Variants in COQ8A observed in about 807,000 individuals in gnomAD.
COQ8A encodes the protein coenzyme Q8A.
COQ8A carries 51 observed loss-of-function variants against 65.0 expected under a neutral mutation model. The observed-to-expected ratio is 0.78, with a 90% CI of 0.63 to 0.99. The LOEUF is 0.99. Among genes scored for constraint, COQ8A ranks in the 50% least tolerant of loss-of-function variants. COQ8A has a pLI of 0.00. For missense variants in COQ8A, 940 were observed against 875.0 expected, an observed-to-expected ratio of 1.07 and a Z score of -0.94; for synonymous variants, 371 against 353.2, an observed-to-expected ratio of 1.05 and a Z score of -0.57.
intron 1 of COQ8A, among the ~76,000 whole-genome samples, chr1:226,943,226 A>G (rs886754055): frequency 6.6e-6 from 1 of 152,238 alleles, no homozygotes; most frequent in African/African-American, 2.4e-5. Flanking sequence ...AGAACCATGG[A>G]CACTGAGTCA....
At position 226,946,463 on chromosome 1, in the gene COQ8A, C is replaced by G. The variant is rs1405256900; in HGVS notation, c.-10+6064C>G. Among the ~76,000 whole-genome samples, 2 of 152,112 alleles carry G rather than the reference C, an allele frequency of 1.3e-5. No homozygotes were observed. Among genetic ancestry groups the G allele is most frequent in the South Asian group, 2.1e-4 (1 of 4,832 alleles). ...CACGGAGGCATCTAGCGAGAGGTAT[C>G]GCTGCAGAGGTGTCTGGGGCTCCAC... On this transcript the variant is annotated intron_variant, in intron 1 of 14. Transcript: ENST00000366777. This position sits in a 1 kb window ranked among gnomAD's most constrained non-coding sequence, Gnocchi z 5.3.
At chr1:226,984,823 A>C (rs763430497) in intron 12 of COQ8A, 53 bp from the exon 13 acceptor site, 87 of 1,593,630 alleles carry the variant, frequency 5.5e-5, no homozygotes, top group African/African-American at 8.1e-5. Context: ...GGCCCCACAC[A>C]CCCGCACCAT....
At chr1:226,978,342 C>T (rs1229817043) in intron 5 of COQ8A, among the ~76,000 whole-genome samples, 1 of 141,142 alleles carries the variant, frequency 7.1e-6, no homozygotes, top group East Asian at 2.2e-4. Flanking sequence ...TATCCTCCAC[C>T]CACCCTCCAC....
chr1:226,978,898 CTG>C (rs1659515483), intron 5 of COQ8A, among the ~76,000 whole-genome samples: 1 of 120,454 alleles, frequency 8.3e-6, no homozygotes, highest in African/African-American at 2.7e-5. Flanking sequence ...CAATCACCCA[CTG>C]AACACTGCAC....
intron 5 of COQ8A, among the ~76,000 whole-genome samples, chr1:226,978,822 G>GCACACACCTCTCACC (rs1659498993): frequency 1.2e-5 from 1 of 81,272 alleles, no homozygotes; most frequent in African/African-American, 3.9e-5. Flanking sequence ...CACCCTCCAT[G>GCACACACCTCTCACC]CACACACCTC....
In COQ8A at chr1:226,964,020, C is replaced by T. The variant is rs1388168836; in HGVS notation, c.178-980C>T. Among the ~76,000 whole-genome samples the T allele has an allele frequency of 3.3e-5, 5 of 152,230 alleles. No individual in the cohort carries two copies. The East Asian group carries it at 9.6e-4, about 29-fold the overall frequency. Reference sequence around the variant, plus strand: ...TGACCTTCACCAGCACATCAGCCGTCTTTGCCTCAGTTTCCTGTTTTTGAA... The same window carrying T: ...TGACCTTCACCAGCACATCAGCCGTTTTTGCCTCAGTTTCCTGTTTTTGAA... On this transcript the variant is annotated intron_variant, in intron 2 of 14. Coordinates refer to ENST00000366777, the MANE Select transcript of COQ8A (RefSeq NM_020247.5).
intron 4 of COQ8A, among the ~76,000 whole-genome samples, chr1:226,967,564 TCAGACC>T (rs1343245334): frequency 6.6e-6 from 1 of 152,230 alleles, no homozygotes; most frequent in Non-Finnish European, 1.5e-5. Context: ...GAGGCAGTAG[TCAGACC>T]CTTTTGGGTG....
At chr1:226,967,400 A>G (rs1163491995) in intron 4 of COQ8A, among the ~76,000 whole-genome samples, 1 of 152,048 alleles carries the variant, frequency 6.6e-6, no homozygotes, top group African/African-American at 2.4e-5. Context: ...GCTGAGTTTG[A>G]CGTGTTTCAG....
At chr1:226,951,779 G>GA (rs146522382) in intron 1 of COQ8A, among the ~76,000 whole-genome samples, 5,281 of 146,440 alleles carry the variant, frequency 0.036, 315 homozygotes, top group African/African-American at 0.12. Flanking sequence ...AGCCAAAAAA[G>GA]AAAAAAAAAA....
chr1:226,973,988 C>A (rs1432057910), intron 4 of COQ8A, among the ~76,000 whole-genome samples: 2 of 152,246 alleles, frequency 1.3e-5, no homozygotes, highest in Non-Finnish European at 2.9e-5. Flanking sequence ...TACTTACTCA[C>A]CCCTGCCCTT....
chr1:226,947,809 A>G (rs1261276197), intron 1 of COQ8A, among the ~76,000 whole-genome samples: 52 of 151,662 alleles, frequency 3.4e-4, no homozygotes, highest in Non-Finnish European at 5.9e-5. Flanking sequence ...AAATATATAT[A>G]TATATATATC....
intron 4 of COQ8A, among the ~76,000 whole-genome samples, chr1:226,967,055 T>C (rs556758054): frequency 2.1e-4 from 32 of 152,258 alleles, no homozygotes; most frequent in African/African-American, 7.0e-4. Flanking sequence ...GCCAAGAGTA[T>C]TTGCTTATTT....
intron 1 of COQ8A, chr1:226,958,414 G>T (rs554069334): frequency 5.3e-5 from 8 of 152,248 alleles, no homozygotes; most frequent in African/African-American, 1.9e-4. Flanking sequence ...GGAGTCTCAC[G>T]TCCCGGCTCC....
intron 1 of COQ8A, among the ~76,000 whole-genome samples, chr1:226,954,669 A>G (rs949009281): frequency 6.6e-6 from 1 of 152,228 alleles, no homozygotes; most frequent in Non-Finnish European, 1.5e-5. Flanking sequence ...AGAGAATAGC[A>G]GGCTTTCTCA....
chr1:226,942,718 G>A (rs533897778), intron 1 of COQ8A, among the ~76,000 whole-genome samples: 4 of 152,324 alleles, frequency 2.6e-5, no homozygotes, highest in South Asian at 2.1e-4. Context: ...ACACAGCAGC[G>A]TGGACATGGG....
intron 8 of COQ8A, 139 bp downstream of exon 8, chr1:226,983,173 GC>G: frequency 2.3e-6 from 3 of 1,283,934 alleles, no homozygotes; most frequent in Non-Finnish European, 3.2e-6. Context: ...GTGTCTTCTG[GC>G]CCCAGTGCCT....
chr1:226,982,500 C>A, intron 6 of COQ8A, 178 bp from the exon 7 acceptor site: 1 of 741,664 alleles, frequency 1.3e-6, no homozygotes, highest in Non-Finnish European at 2.3e-6. Context: ...GAGGCTGGGG[C>A]TCCCGGGAAG....
chr1:226,982,854 C>T (rs1389632874), intron 7 of COQ8A, 40 bp from the exon 8 acceptor site: 2 of 1,612,490 alleles, frequency 1.2e-6, no homozygotes, highest in East Asian at 2.2e-5. Context: ...GTGGCCCAGG[C>T]AGGGCATGCT....
intron 1 of COQ8A, among the ~76,000 whole-genome samples, chr1:226,957,281 G>GGGGGCCCCCCCCCCCCCCCCC (rs1296588868): frequency 3.4e-5 from 1 of 29,202 alleles, no homozygotes; most frequent in Non-Finnish European, 7.0e-5. Flanking sequence ...CACTCTCCCT[G>GGGGGCCCCCCCCCCCCCCCCC]CCCCCCCCCC....
Sources: gnomAD v4.1 joint callset for allele counts (sites outside exome capture counted in the v4.1 genomes callset) on GRCh38, gnomAD v4.1.1 for gene constraint, Gnocchi (gnomAD v3.1) non-coding constraint, MANE v1.5 for transcripts, NCBI Gene and HGNC (gene_info 2026-07-23, HGNC 2026-07-21) for gene names.